MCF2: variants seen among roughly 807,000 people sequenced by gnomAD.
The protein encoded by MCF2 is proto-oncogene DBL.
Under a neutral mutation model 82.5 loss-of-function variants are expected in MCF2, and 44 were observed. That is an observed-to-expected ratio of 0.53 (90% CI 0.42 to 0.69). The LOEUF is 0.69. MCF2 is among the 30% of genes least tolerant of loss of function. The pLI, the probability that MCF2 is intolerant of heterozygous loss-of-function variation, is 0.00. For synonymous variants in MCF2, 217 were observed against 224.9 expected (o/e 0.96, Z 0.32); for missense variants, 623 against 663.1 (o/e 0.94, Z 0.66).
Position 139,617,694 on chromosome X carries a change from GA to G in MCF2, c.817del (p.Ser273GlnfsTer6). The G allele has an allele frequency of 1.7e-6, 2 of 1,164,091 alleles. No homozygotes were observed. Among genetic ancestry groups the G allele is most frequent in the Non-Finnish European group, 2.3e-6 (2 of 867,456 alleles). On this transcript the variant is annotated frameshift_variant, in exon 8 of 25. Coordinates refer to ENST00000370576, the Ensembl canonical transcript of MCF2. LOFTEE classifies it high-confidence loss of function. Reference sequence around the variant, plus strand: ...ATGTAATATCACAAACTGGGCCTTTGATAATAGCTCCTGATTATAACAAAGA... The same window carrying G: ...ATGTAATATCACAAACTGGGCCTTTGTAATAGCTCCTGATTATAACAAAGA...
intron 2 of MCF2, among the ~76,000 whole-genome samples, chrX:139,631,746 C>T (rs754287500): frequency 9.0e-6 from 1 of 111,432 alleles, no homozygotes; most frequent in African/African-American, 3.2e-5. Flanking sequence ...GAAACCAAAA[C>T]GCCTAATTTT....
At position 139,598,414 on chromosome X, in the gene MCF2, A is replaced by C. The variant is rs2049185935; in HGVS notation, c.1921T>G (p.Leu641Val). 1 of 1,141,865 alleles carries C rather than the reference A, an allele frequency of 8.8e-7. No individual in the cohort carries two copies. The highest frequency in any genetic ancestry group is 1.8e-5 in the African/African-American group (1 of 55,223). 94.1% of individuals were successfully genotyped at this position (1,141,865 alleles called of 1,213,427 possible). A position where few individuals can be genotyped will look rare whatever the true frequency, so the allele number is the denominator to read the frequency against. The stretch of plus-strand genomic sequence containing the variant: ...ATGCTTCATATAATTACCTTCAACA[A>C]TAACTGATATTTAGTGATTCGTTGC... Residue 641 changes from leucine (L) to valine (V), a missense_variant, in exon 17 of 25, where the codon TTG (leucine) becomes GTG (valine). Coordinates refer to ENST00000370576, the Ensembl canonical transcript of MCF2.
chrX:139,702,668 T>C (rs1415963149), intron 1 of MCF2, among the ~76,000 whole-genome samples: 1 of 112,527 alleles, frequency 8.9e-6, no homozygotes, highest in African/African-American at 3.2e-5. Context: ...TGAAAAAGAT[T>C]GGTGAAACTT....
chrX:139,700,573 C>T (rs914797837), intron 1 of MCF2, among the ~76,000 whole-genome samples: 13 of 111,946 alleles, frequency 1.2e-4, no homozygotes, highest in African/African-American at 3.9e-4. Flanking sequence ...CTTGGGGGTC[C>T]ACTGAAACCC....
At chrX:139,657,876 C>A (rs1327686971) in intron 1 of MCF2, among the ~76,000 whole-genome samples, 1 of 111,674 alleles carries the variant, frequency 9.0e-6, no homozygotes, top group African/African-American at 3.3e-5. Flanking sequence ...GTTCTAAAGT[C>A]AGAACTGTCT....
intron 12 of MCF2, 52 bp downstream of exon 16, chrX:139,607,639 G>A: frequency 1.1e-6 from 1 of 886,588 alleles, no homozygotes. Flanking sequence ...CACTGAACCA[G>A]ACTCCCACAG....
chrX:139,582,189 A>T, exon 25 of MCF2: 1 of 387,781 alleles, frequency 2.6e-6, no homozygotes, highest in Non-Finnish European at 4.5e-6. Context: ...GTTACAAAGT[A>T]GAGAAGAAAT....
Position 139,670,929 on chromosome X carries a change from A to T in MCF2, c.-44-19141T>A, listed in dbSNP as rs1934668066. Among the ~76,000 whole-genome samples, 3 of 111,857 alleles carry T rather than the reference A, an allele frequency of 2.7e-5. No individual in the cohort carries two copies. In the South Asian group the frequency reaches 1.2e-3, roughly 43 times the overall value. On this transcript the variant is annotated intron_variant, in intron 1 of 27. Coordinates refer to the MCF2 transcript ENST00000414978. ...GTTGAAGTAGTTTACACTCCCACCA[A>T]CAGTGTAAAAGTGTTCCTATTGCTC...
chrX:139,692,001 T>C (rs1430951777), intron 1 of MCF2: 2 of 1,166,094 alleles, frequency 1.7e-6, no homozygotes, highest in Admixed American at 2.6e-5. Flanking sequence ...CATGGCCATG[T>C]CCACCTGCAG....
At chrX:139,627,276 G>A (rs1932784539) in intron 4 of MCF2, among the ~76,000 whole-genome samples, 2 of 111,726 alleles carry the variant, frequency 1.8e-5, no homozygotes, top group African/African-American at 6.5e-5. Context: ...AGCAGTAGTA[G>A]CACAATAAAA....
intron 19 of MCF2, 29 bp downstream of exon 23, chrX:139,596,520 A>T: frequency 9.0e-7 from 1 of 1,111,005 alleles, no homozygotes; most frequent in Non-Finnish European, 1.2e-6. Flanking sequence ...ACGAAACAAT[A>T]CTACATTACC....
chrX:139,596,708 G>C, exon 19 of MCF2: 1 of 1,209,702 alleles, frequency 8.3e-7, no homozygotes. Flanking sequence ...CACCTTTCTT[G>C]TGCCCTATCC....
chrX:139,642,704 T>C, exon 1 of MCF2: 1 of 1,079,364 alleles, frequency 9.3e-7, no homozygotes, highest in Non-Finnish European at 1.2e-6. Context: ...AAAACCACTA[T>C]CCCTGATTAG....
chrX:139,600,147 A>T (rs1294296702), intron 16 of MCF2, among the ~76,000 whole-genome samples: 1 of 111,268 alleles, frequency 9.0e-6, no homozygotes, highest in African/African-American at 3.3e-5. Flanking sequence ...CAGATTAGTG[A>T]TTGCCTAGGG....
chrX:139,598,372 A>C (rs751600356), intron 17 of MCF2, 34 bp downstream of exon 21: 2 of 965,860 alleles, frequency 2.1e-6, no homozygotes, highest in Non-Finnish European at 2.9e-6. Context: ...TGACTCAAAA[A>C]GTAAAGAAAC....
At chrX:139,628,850 C>T (rs1932830228) in intron 4 of MCF2, among the ~76,000 whole-genome samples, 1 of 111,367 alleles carries the variant, frequency 9.0e-6, no homozygotes, top group Non-Finnish European at 1.9e-5. Flanking sequence ...CAAAACAACA[C>T]TCCACAAAGA....
At chrX:139,589,813 G>C (rs765737599) in intron 20 of MCF2, 22 bp downstream of exon 24, 64 of 1,088,664 alleles carry the variant, frequency 5.9e-5, no homozygotes, top group Non-Finnish European at 7.4e-5. Context: ...TGGGTTTCTA[G>C]AAGAATTTTC....
At chrX:139,670,260 T>A (rs1934643436) in intron 1 of MCF2, among the ~76,000 whole-genome samples, 1 of 111,667 alleles carries the variant, frequency 9.0e-6, no homozygotes, top group Non-Finnish European at 1.9e-5. Flanking sequence ...AAGACTGCAA[T>A]GACATCACAG....
intron 6 of MCF2, among the ~76,000 whole-genome samples, chrX:139,622,913 A>G (rs867006235): frequency 2.7e-5 from 3 of 111,366 alleles, no homozygotes; most frequent in Non-Finnish European, 5.7e-5. Flanking sequence ...TAATAACTCC[A>G]CTAAAAAGTG....
Sources: allele counts gnomAD v4.1 joint callset (sites outside exome capture counted in the v4.1 genomes callset), GRCh38; gene constraint gnomAD v4.1.1; transcripts MANE v1.5; gene names NCBI Gene and HGNC (gene_info 2026-07-23, HGNC 2026-07-21).